The following KCTD3 variants were observed in gnomAD, a reference collection of about 807,000 sequenced individuals.
KCTD3 encodes potassium channel tetramerization domain containing 3.
In KCTD3, 41 loss-of-function variants were observed where a neutral mutation model predicts 85.8. The ratio of observed to expected loss-of-function variants is 0.48; its 90% confidence interval spans 0.37 to 0.62. The LOEUF is 0.62. KCTD3 is among the 20% of genes least tolerant of loss of function. KCTD3 has a pLI of 0.00. For missense variants in KCTD3, 724 were observed against 989.9 expected, an observed-to-expected ratio of 0.73 and a Z score of 3.60; for synonymous variants, 338 against 345.4, an observed-to-expected ratio of 0.98 and a Z score of 0.24.
chr1:215,572,792 A>C (rs912480155), intron 1 of KCTD3, among the ~76,000 whole-genome samples: 38 of 152,230 alleles, frequency 2.5e-4, no homozygotes, highest in Admixed American at 4.6e-4. Flanking sequence ...GCCACTATTC[A>C]GTCACCTTGT....
chr1:215,567,825 G>A, intron 1 of KCTD3, 57 bp downstream of exon 1: 1 of 1,115,224 alleles, frequency 9.0e-7, no homozygotes, highest in Non-Finnish European at 1.1e-6. Context: ...TCCTCCTTTG[G>A]TGTCGACGGG....
chr1:215,607,309 AAGT>A (rs1162431506), intron 13 of KCTD3, among the ~76,000 whole-genome samples: 2 of 151,974 alleles, frequency 1.3e-5, no homozygotes, highest in Admixed American at 6.6e-5. Flanking sequence ...ATGCCAAAAA[AAGT>A]AGTTTTTGCA....
intron 15 of KCTD3, among the ~76,000 whole-genome samples, chr1:215,616,675 G>A (rs550440804): frequency 5.3e-5 from 8 of 152,084 alleles, no homozygotes; most frequent in South Asian, 2.1e-4. Flanking sequence ...CAGGAGAATC[G>A]CTTGAACCCA....
intron 12 of KCTD3, among the ~76,000 whole-genome samples, chr1:215,603,594 A>T (rs1654911778): frequency 6.6e-6 from 1 of 152,188 alleles, no homozygotes; most frequent in African/African-American, 2.4e-5. Flanking sequence ...TTAATGCTTG[A>T]TTATTTGAGA....
At chr1:215,586,831 TAATG>T (rs778050878) in intron 9 of KCTD3, 146 bp downstream of exon 9, 4 of 609,536 alleles carry the variant, frequency 6.6e-6, no homozygotes, top group Non-Finnish European at 8.1e-6. Context: ...AATGATCTGA[TAATG>T]AAGGAAAAAT....
Position 215,608,099 on chromosome 1 carries a change from T to G in KCTD3, c.1392T>G (p.Pro464=). ...TCTCTACTCAGCCAGGTTCTACTCC[T>G]TTAGCGTCATTCAAGATACTATCCC... ...GMISTQPGST[P]LASFKILSLE... is the part of the protein sequence containing the mutation. The change falls in exon 14 of 18, where the codon CCT becomes CCG. Residue 464 remains proline, a synonymous_variant. Coordinates refer to ENST00000259154, the MANE Select transcript of KCTD3 (RefSeq NM_016121.5). 3 of 1,612,150 alleles carry G rather than the reference T, an allele frequency of 1.9e-6. No homozygotes were observed. The highest frequency in any genetic ancestry group is 2.5e-6 in the Non-Finnish European group (3 of 1,178,604).
chr1:215,574,920 G>T (rs901339272), intron 3 of KCTD3, among the ~76,000 whole-genome samples: 2 of 152,100 alleles, frequency 1.3e-5, no homozygotes, highest in Non-Finnish European at 2.9e-5. Context: ...TTTTGTAAAT[G>T]ATTCAAAATA....
At chr1:215,605,592 A>G (rs1654987874) in intron 13 of KCTD3, among the ~76,000 whole-genome samples, 1 of 152,130 alleles carries the variant, frequency 6.6e-6, no homozygotes, top group Admixed American at 6.6e-5. Flanking sequence ...CAAACCCTGT[A>G]TATCCAGTGT....
chr1:215,585,326 T>C (rs758831128), intron 8 of KCTD3, among the ~76,000 whole-genome samples: 114 of 152,344 alleles, frequency 7.5e-4, no homozygotes, highest in Non-Finnish European at 1.2e-3. Context: ...TACATTTTTC[T>C]CTATTGCTTT....
At chr1:215,582,420 G>C (rs1659858390) in intron 8 of KCTD3, among the ~76,000 whole-genome samples, 1 of 152,150 alleles carries the variant, frequency 6.6e-6, no homozygotes, top group Admixed American at 6.6e-5. Flanking sequence ...GAAATAACTA[G>C]ACGTAACTCT....
rs767686189 is a variant in KCTD3, at chr1:215,619,046, A to G, written c.1723A>G (p.Met575Val). 11 of 1,612,424 alleles carry G rather than the reference A, an allele frequency of 6.8e-6. No homozygotes were observed. Among genetic ancestry groups the G allele is most frequent in the South Asian group, 1.1e-5 (1 of 90,654 alleles). ...QMWDLTTAMD[M>V]VNKSEDKDVG... ...GTGGGATCTGACCACTGCTATGGAT[A>G]TGGTTAACAAAAGTGAAGATAAGGG... The change falls in exon 16 of 18, where the codon ATG becomes GTG. Residue 575 changes from methionine to valine, a missense_variant. Met to Val is a conservative substitution (Grantham distance 21). Transcript: ENST00000259154.
chr1:215,587,163 T>C (rs1210315353), intron 9 of KCTD3, among the ~76,000 whole-genome samples: 2 of 151,062 alleles, frequency 1.3e-5, no homozygotes, highest in African/African-American at 2.4e-5. Flanking sequence ...TGAGTCTCGC[T>C]CTGTCGCCCA....
In KCTD3 at chr1:215,608,010, C is replaced by CT. The variant is rs1655099266; in HGVS notation, c.1310-6dup. 6.3e-7 allele frequency: 1 copy of CT among 1,589,938 alleles called. No individual in the cohort carries two copies. The highest frequency in any genetic ancestry group is 2.2e-5 in the East Asian group (1 of 44,636). ...TTGTATTCTTTTGTGTTCTCTTTCT[C>CT]TGCTAGTCTGTGCAGATAATAATCA... On this transcript the variant is annotated splice_polypyrimidine_tract_variant and splice_region_variant and intron_variant, in intron 13 of 17. Coordinates refer to ENST00000259154, the MANE Select transcript of KCTD3 (RefSeq NM_016121.5).
At chr1:215,603,677 G>C (rs1305853880) in intron 12 of KCTD3, among the ~76,000 whole-genome samples, 1 of 152,098 alleles carries the variant, frequency 6.6e-6, no homozygotes, top group Non-Finnish European at 1.5e-5. Context: ...TATTGCTTTT[G>C]GAATACTATG....
intron 13 of KCTD3, 33 bp downstream of exon 13, chr1:215,604,335 T>C: frequency 1.3e-6 from 2 of 1,522,312 alleles, no homozygotes; most frequent in Non-Finnish European, 1.8e-6. Flanking sequence ...GTAAGGAACT[T>C]GGCTCTGTGT....
At chr1:215,571,417 A>G (rs1451637529) in intron 1 of KCTD3, among the ~76,000 whole-genome samples, 1 of 152,216 alleles carries the variant, frequency 6.6e-6, no homozygotes, top group Non-Finnish European at 1.5e-5. Flanking sequence ...AAATGGGCGT[A>G]GGAACTGCTT....
intron 9 of KCTD3, among the ~76,000 whole-genome samples, chr1:215,591,483 G>A (rs778637749): frequency 3.9e-5 from 6 of 151,962 alleles, no homozygotes; most frequent in South Asian, 2.1e-4. Flanking sequence ...TCAGCCTCTC[G>A]AGTAGCTGGG....
intron 12 of KCTD3, among the ~76,000 whole-genome samples, chr1:215,602,558 T>A (rs1172610809): frequency 2.6e-5 from 4 of 151,988 alleles, no homozygotes; most frequent in Non-Finnish European, 5.9e-5. Context: ...TTTTAAAAAA[T>A]AAAAAGTTCT....
In KCTD3 at chr1:215,601,950, C is replaced by T; in HGVS notation, c.1017C>T (p.Tyr339=). 6.3e-7 allele frequency: 1 copy of T among 1,580,134 alleles called. No homozygotes were observed. Among genetic ancestry groups the T allele is most frequent in the Non-Finnish European group, 8.7e-7 (1 of 1,150,262 alleles). The change falls in exon 11 of 18, where the codon TAC becomes TAT. Residue 339 remains tyrosine (Y), a synonymous_variant. Coordinates refer to ENST00000259154, the MANE Select transcript of KCTD3 (RefSeq NM_016121.5). ...GATGTAACAATGGATCAATATATTA[C>T]ATAGGTAAGTGTTCAGTCACTTAAA... is the stretch of plus-strand genomic sequence containing the variant. ...LLGCNNGSIY[Y]IDMQKFPLRM...
Sources: allele counts gnomAD v4.1 joint callset (sites outside exome capture counted in the v4.1 genomes callset), GRCh38; gene constraint gnomAD v4.1.1; transcripts MANE v1.5; gene names NCBI Gene and HGNC (gene_info 2026-07-23, HGNC 2026-07-21).